Variants in LPP observed in about 807,000 individuals in gnomAD.
LPP encodes the protein lipoma-preferred partner.
LPP carries 38 observed loss-of-function variants against 60.4 expected under a neutral mutation model. The ratio of observed to expected loss-of-function variants is 0.63; its 90% confidence interval spans 0.49 to 0.83. The LOEUF (loss-of-function observed/expected upper bound fraction) is 0.83, where lower values mean the gene tolerates loss of function less well. Among genes scored for constraint, LPP ranks in the 40% least tolerant of loss-of-function variants. LPP has a pLI of 0.00. For synonymous variants in LPP, 328 were observed against 290.8 expected (o/e 1.13, Z -1.30); for missense variants, 902 against 783.6 (o/e 1.15, Z -1.80).
chr3:188,402,125 C>T (rs1352474476), intron 3 of LPP, among the ~76,000 whole-genome samples: 2 of 152,114 alleles, frequency 1.3e-5, no homozygotes, highest in Non-Finnish European at 2.9e-5. Flanking sequence ...ATTTAGATGA[C>T]TTTATGCTGA....
rs545761966 is a variant in LPP at position 188,352,814 on chromosome 3, A to G, written c.-10+11095A>G. Among the ~76,000 whole-genome samples the G allele has an allele frequency of 6.6e-6, 1 of 152,344 alleles. No homozygotes were observed. The highest frequency in any genetic ancestry group is 2.1e-4 in the South Asian group (1 of 4,832). ...AGGAGTGGGCAGAGAAGGTGAAGAC[A>G]CGGAGAGTAACTCAGTGCAGAGGCA... On this transcript the variant is annotated intron_variant, in intron 3 of 11. Transcript: ENST00000617246. The surrounding 1 kb of genome is among the most constrained non-coding windows in gnomAD (Gnocchi z 4.4).
At chr3:188,547,366 TTAAC>T (rs772170403) in intron 6 of LPP, among the ~76,000 whole-genome samples, 1 of 152,150 alleles carries the variant, frequency 6.6e-6, no homozygotes, top group African/African-American at 2.4e-5. Flanking sequence ...AAAACCTCAA[TTAAC>T]TAATAGCTCA....
intron 9 of LPP, among the ~76,000 whole-genome samples, chr3:188,790,241 T>A (rs1257983972): frequency 1.3e-5 from 2 of 152,164 alleles, no homozygotes; most frequent in Non-Finnish European, 2.9e-5. Flanking sequence ...CCTTAAAAAC[T>A]ATTTTAGGAA....
At chr3:188,387,543 T>G (rs2148639420) in intron 3 of LPP, among the ~76,000 whole-genome samples, 1 of 150,284 alleles carries the variant, frequency 6.7e-6, no homozygotes, top group African/African-American at 2.4e-5. Flanking sequence ...GTCTGAGGGT[T>G]GAGACACACG....
chr3:188,186,423 G>T (rs1039705004), intron 1 of LPP, among the ~76,000 whole-genome samples: 7 of 152,116 alleles, frequency 4.6e-5, no homozygotes, highest in African/African-American at 1.7e-4. Context: ...TTAAAAGAGG[G>T]CTAGGTGGCT....
At chr3:188,869,038 G>A (rs1445700436) in intron 10 of LPP, among the ~76,000 whole-genome samples, 2 of 152,142 alleles carry the variant, frequency 1.3e-5, no homozygotes, top group Non-Finnish European at 2.9e-5. Context: ...CTGGCTCTGT[G>A]GTCAGAATAG....
intron 2 of LPP, among the ~76,000 whole-genome samples, chr3:188,262,407 T>C (rs1268713942): frequency 1.3e-5 from 2 of 152,092 alleles, no homozygotes; most frequent in East Asian, 3.9e-4. Context: ...ATGAAAAGGA[T>C]TGTACCTGTA....
In LPP at chr3:188,389,775, C is replaced by CAAAAA. The variant is rs56304365; in HGVS notation, c.-9-16322_-9-16318dup. Among the ~76,000 whole-genome samples, 8 of 85,302 alleles carry CAAAAA rather than the reference C, an allele frequency of 9.4e-5. 1 individual carries two copies. Among genetic ancestry groups the CAAAAA allele is most frequent in the East Asian group, 3.7e-4 (1 of 2,682 alleles). The allele number at this position is 85,302 out of a possible 152,430, so 56.0% of individuals were successfully genotyped here. On this transcript the variant is annotated intron_variant, in intron 3 of 11. Transcript: ENST00000617246. ...TGGGCAACAGAGTGGGACTCCGTCT[C>CAAAAA]AAAAAAAAAAAAAAAAAAATGGGAC...
chr3:188,495,386 G>A (rs952460743), intron 5 of LPP, among the ~76,000 whole-genome samples: 2 of 151,352 alleles, frequency 1.3e-5, no homozygotes, highest in Non-Finnish European at 2.9e-5. Context: ...AACAGCACAA[G>A]TATAATTTAA....
At chr3:188,231,330 C>T (rs901430025) in intron 2 of LPP, among the ~76,000 whole-genome samples, 7 of 152,132 alleles carry the variant, frequency 4.6e-5, no homozygotes, top group Non-Finnish European at 2.9e-5. Context: ...TGGACGTTGC[C>T]TGAAGCAGTT....
At chr3:188,371,122 A>G (rs1324472301) in intron 3 of LPP, among the ~76,000 whole-genome samples, 2 of 152,128 alleles carry the variant, frequency 1.3e-5, no homozygotes, top group Non-Finnish European at 2.9e-5. Flanking sequence ...ATGGTGCTGT[A>G]CCAAGATCTC....
intron 9 of LPP, among the ~76,000 whole-genome samples, chr3:188,809,006 A>G (rs1226780775): frequency 6.6e-6 from 1 of 152,196 alleles, no homozygotes; most frequent in Non-Finnish European, 1.5e-5. Context: ...TGCAAAGGAC[A>G]TGACCTCATT....
At chr3:188,739,466 A>G (rs1472929929) in intron 8 of LPP, among the ~76,000 whole-genome samples, 2 of 152,122 alleles carry the variant, frequency 1.3e-5, no homozygotes, top group Admixed American at 6.6e-5. Flanking sequence ...TGGGGCAGGT[A>G]GAAAACAAGT....
intron 3 of LPP, among the ~76,000 whole-genome samples, chr3:188,365,131 T>TC (rs113032291): frequency 3.3e-4 from 49 of 147,494 alleles, no homozygotes; most frequent in South Asian, 4.4e-4. Context: ...TTTTTTTTTT[T>TC]CTGGTGACCT....
chr3:188,645,797 C>A (rs552801092), intron 7 of LPP, among the ~76,000 whole-genome samples: 5 of 146,228 alleles, frequency 3.4e-5, no homozygotes, highest in Non-Finnish European at 6.0e-5. Context: ...CCCTGATTGA[C>A]AAATATAAGT....
At chr3:188,346,279 A>ATTTTTTTTTTTTTTTT in intron 3 of LPP, among the ~76,000 whole-genome samples, 1 of 31,988 alleles carries the variant, frequency 3.1e-5, no homozygotes, top group African/African-American at 2.0e-4. Flanking sequence ...TTTTTTTTTG[A>ATTTTTTTTTTTTTTTT]GACGGAGTCT....
intron 2 of LPP, among the ~76,000 whole-genome samples, chr3:188,306,971 T>G (rs1751734419): frequency 6.6e-6 from 1 of 152,158 alleles, no homozygotes; most frequent in Non-Finnish European, 1.5e-5. Flanking sequence ...ACAGAACCCG[T>G]CTAAGGACCA....
intron 2 of LPP, among the ~76,000 whole-genome samples, chr3:188,322,035 ACT>A (rs1757104400): frequency 6.6e-6 from 1 of 152,062 alleles, no homozygotes; most frequent in East Asian, 1.9e-4. Flanking sequence ...TCACCTCATC[ACT>A]CTCTAGGTAA....
chr3:188,603,839 T>C (rs1841907780), intron 6 of LPP, among the ~76,000 whole-genome samples: 1 of 152,190 alleles, frequency 6.6e-6, no homozygotes, highest in Non-Finnish European at 1.5e-5. Flanking sequence ...CCCCTTTTGA[T>C]ATTTTGTATA....
Sources: gnomAD v4.1 joint callset for allele counts (sites outside exome capture counted in the v4.1 genomes callset) on GRCh38, gnomAD v4.1.1 for gene constraint, Gnocchi (gnomAD v3.1) non-coding constraint, MANE v1.5 for transcripts, NCBI Gene and HGNC (gene_info 2026-07-23, HGNC 2026-07-21) for gene names.